FAT1: variants seen among roughly 807,000 people sequenced by gnomAD.
FAT1 encodes the protein FAT atypical cadherin 1, also known as protocadherin Fat 1.
FAT1 carries 171 observed loss-of-function variants against 329.8 expected under a neutral mutation model. The ratio of observed to expected loss-of-function variants is 0.52; its 90% CI spans 0.46 to 0.59. The LOEUF (loss-of-function observed/expected upper bound fraction) is 0.59. Ranked by LOEUF, FAT1 falls within the 20% of genes least tolerant of loss-of-function variation. The pLI, the probability that FAT1 is intolerant of heterozygous loss-of-function variation, is 0.00. For missense variants in FAT1, 5,672 were observed against 5,774.4 expected (o/e 0.98, Z 0.57); for synonymous variants, 2,233 against 2,228.6 (o/e 1.00, Z -0.06).
chr4:186,635,911 G>A (rs1740795870), intron 6 of FAT1, 114 bp downstream of exon 6: 2 of 869,164 alleles, frequency 2.3e-6, no homozygotes, highest in Admixed American at 2.7e-5. Context: ...TTCTCCACCT[G>A]TCGATCTTAT....
In FAT1 at chr4:186,599,958, C is replaced by T. The variant is rs1298982743; in HGVS notation, c.12043G>A (p.Glu4015Lys). Reference sequence around the variant, plus strand: ...TGGCAAGGGTTGCTGGCGCAGTCTTCCGTGGCCGTCAGGAAGCAGCCTGGA... The same window carrying T: ...TGGCAAGGGTTGCTGGCGCAGTCTTTCGTGGCCGTCAGGAAGCAGCCTGGA... Reference protein sequence around the residue: ...VSPGCFLTATEDCASNPCQNG... With the variant: ...VSPGCFLTATKDCASNPCQNG... The change falls in exon 22 of 27, where the codon GAA becomes AAA. Residue 4015 changes from glutamate to lysine, a missense_variant. Physicochemically the swap from Glu to Lys is moderately conservative, Grantham distance 56. Transcript: ENST00000441802. The T allele has an allele frequency of 6.2e-7, 1 of 1,613,984 alleles. No individual in the cohort carries two copies. The highest frequency in any genetic ancestry group is 2.2e-5 in the East Asian group (1 of 44,886).
chr4:186,630,529 T>C (rs1304187919), intron 7 of FAT1, among the ~76,000 whole-genome samples: 1 of 152,056 alleles, frequency 6.6e-6, no homozygotes, highest in African/African-American at 2.4e-5. Flanking sequence ...GTGGCAGGGA[T>C]GAAGAATGGC....
chr4:186,604,966 C>T (rs535437998), intron 17 of FAT1, among the ~76,000 whole-genome samples: 22 of 151,964 alleles, frequency 1.4e-4, no homozygotes, highest in African/African-American at 3.9e-4. Context: ...CGCCTGTCAT[C>T]CCAGCACTTT....
chr4:186,684,945 A>G (rs137982595), intron 2 of FAT1, among the ~76,000 whole-genome samples: 51 of 152,296 alleles, frequency 3.3e-4, no homozygotes, highest in African/African-American at 1.2e-3. Flanking sequence ...TCAGGAAGGA[A>G]GCAGGCAAGT....
At chr4:186,601,568 C>G in intron 20 of FAT1, 142 bp from the exon 21 acceptor site, 1 of 574,670 alleles carries the variant, frequency 1.7e-6, no homozygotes, top group Non-Finnish European at 2.8e-6. Flanking sequence ...TGTGGGAAAA[C>G]GTCTATTTGC....
chr4:186,616,674 T>G (rs1294936818), intron 11 of FAT1, among the ~76,000 whole-genome samples: 1 of 152,132 alleles, frequency 6.6e-6, no homozygotes, highest in Non-Finnish European at 1.5e-5. Flanking sequence ...CGTCGGCACT[T>G]TGTTTCCCGT....
Position 186,606,081 on chromosome 4 carries a change from C to T in FAT1, c.10339G>A (p.Val3447Ile), listed in dbSNP as rs1724812406. ...CACTCGAAGCCCACCTGGATAATGACACTGTAGTTTCCCCTGGAGAAGACG... is the reference window on the plus strand; with the variant it reads ...CACTCGAAGCCCACCTGGATAATGATACTGTAGTTTCCCCTGGAGAAGACG... ...APVFSRGNYS[V>I]IIQENKPVGF... The change falls in exon 17 of 27, where the codon GTC (valine) becomes ATC (isoleucine). Residue 3447 changes from valine to isoleucine, a missense_variant. Around this residue, in one of 2 missense-constraint regions of FAT1, gnomAD observed 1,706 missense variants for 1,859.1 expected, o/e 0.92. Transcript: ENST00000441802. 1 of 1,613,086 alleles carries T rather than the reference C, an allele frequency of 6.2e-7. No homozygotes were observed. Among genetic ancestry groups the T allele is most frequent in the African/African-American group, 1.3e-5 (1 of 74,954 alleles).
intron 2 of FAT1, among the ~76,000 whole-genome samples, chr4:186,666,034 C>T (rs1316885898): frequency 1.0e-4 from 8 of 80,224 alleles, no homozygotes; most frequent in South Asian, 4.1e-4. Flanking sequence ...CGGGGCCTGT[C>T]GTGGGGTGGG....
rs771392671 is a variant in FAT1 at position 186,708,943 on chromosome 4, C to G, written c.885G>C (p.Val295=). 19 of 1,613,906 alleles carry G rather than the reference C, an allele frequency of 1.2e-5. No homozygotes were observed. Among genetic ancestry groups the G allele is most frequent in the Non-Finnish European group, 1.5e-5 (18 of 1,179,908 alleles). The change falls in exon 2 of 27, where the codon GTG becomes GTC. Residue 295 remains valine, a synonymous_variant. Coordinates refer to ENST00000441802, the MANE Select transcript of FAT1 (RefSeq NM_005245.4). ...TAAACTGCTGGAGAAGGTCACCTGC[C>G]ACGATGCTTAAAGATGCTATGTCAC... is the stretch of plus-strand genomic sequence containing the variant. ...ANGDIASLSI[V]AGDLLQQFRT... is the part of the protein sequence containing the mutation.
chr4:186,645,945 CAAAAAAA>C (rs773581100), intron 3 of FAT1, among the ~76,000 whole-genome samples: 4 of 58,224 alleles, frequency 6.9e-5, no homozygotes, highest in African/African-American at 2.6e-4. Context: ...GACTGTCTCA[CAAAAAAA>C]AAAAAAAAAA....
At chr4:186,681,128 C>A (rs1316024924) in intron 2 of FAT1, among the ~76,000 whole-genome samples, 1 of 152,164 alleles carries the variant, frequency 6.6e-6, no homozygotes, top group African/African-American at 2.4e-5. Context: ...CAGTCTGTTA[C>A]TTCAAAGTAT....
chr4:186,616,229 G>C lies in FAT1; in HGVS notation c.9075+776C>G, dbSNP rs191283400. Among the ~76,000 whole-genome samples the C allele has an allele frequency of 6.2e-3, 947 of 152,098 alleles. 6 individuals carry two copies. Among genetic ancestry groups the C allele is most frequent in the Non-Finnish European group, 9.2e-3 (627 of 68,004 alleles). ...CATCTCTACCTTACCGATATAAAAG[G>C]CTCCAAAGTCCCTATTTTCTCTAGG... is the stretch of plus-strand genomic sequence containing the variant. On this transcript the variant is annotated intron_variant, in intron 11 of 26. Coordinates refer to ENST00000441802, the MANE Select transcript of FAT1 (RefSeq NM_005245.4).
chr4:186,593,356 A>G (rs1296888587), intron 26 of FAT1, among the ~76,000 whole-genome samples: 1 of 152,172 alleles, frequency 6.6e-6, no homozygotes, highest in Non-Finnish European at 1.5e-5. Flanking sequence ...TCATTTGTGT[A>G]TCAGATTGTT....
chr4:186,646,218 T>C (rs1025307621), intron 3 of FAT1, among the ~76,000 whole-genome samples: 6 of 152,032 alleles, frequency 3.9e-5, no homozygotes, highest in Non-Finnish European at 7.4e-5. Context: ...TTTCAATTAC[T>C]CTACTAGAGA....
chr4:186,692,304 G>GTTAT (rs144146876), intron 2 of FAT1, among the ~76,000 whole-genome samples: 100,142 of 148,146 alleles, frequency 0.68, 34,430 homozygotes, highest in Non-Finnish European at 0.78. Flanking sequence ...TACATCTTAG[G>GTTAT]TTATTTATTT....
chr4:186,709,893 CAA>C (rs537556847), intron 1 of FAT1, 48 bp from the exon 2 acceptor site: 9 of 1,472,520 alleles, frequency 6.1e-6, no homozygotes, highest in South Asian at 2.6e-5. Context: ...ATAAAACAAG[CAA>C]AAGTGTGTAC....
intron 3 of FAT1, among the ~76,000 whole-genome samples, chr4:186,647,550 T>G (rs1370767006): frequency 6.6e-6 from 1 of 152,180 alleles, no homozygotes; most frequent in Non-Finnish European, 1.5e-5. Flanking sequence ...CTTCTAGGAT[T>G]AGAATGTTCT....
intron 7 of FAT1, among the ~76,000 whole-genome samples, chr4:186,630,692 AC>A (rs1740542611): frequency 6.6e-6 from 1 of 152,032 alleles, no homozygotes; most frequent in Non-Finnish European, 1.5e-5. Context: ...CCTTCCTAAG[AC>A]CTCCAAAAGG....
intron 3 of FAT1, among the ~76,000 whole-genome samples, chr4:186,651,281 G>A (rs562848381): frequency 5.2e-4 from 79 of 152,038 alleles, no homozygotes; most frequent in South Asian, 1.7e-3. Context: ...TCTAGTCTAC[G>A]GATCTGTACC....
Sources: gnomAD v4.1 joint callset for allele counts (sites outside exome capture counted in the v4.1 genomes callset) on GRCh38, gnomAD v4.1.1 for gene constraint, gnomAD v4.1.1 regional missense constraint, MANE v1.5 for transcripts, NCBI Gene and HGNC (gene_info 2026-07-23, HGNC 2026-07-21) for gene names.